Variants in NAV2 observed in about 807,000 individuals in gnomAD.
NAV2 encodes the protein helicase, APC down-regulated 1.
NAV2 carries 54 observed loss-of-function variants against 223.2 expected under a neutral mutation model. The ratio of observed to expected loss-of-function variants is 0.24; its 90% CI spans 0.19 to 0.30. The LOEUF (loss-of-function observed/expected upper bound fraction) is 0.30. NAV2 is among the 10% of genes least tolerant of loss of function. NAV2 has a pLI of 1.00. For missense variants in NAV2, 2,806 were observed against 3,147.5 expected (o/e 0.89, Z 2.60); for synonymous variants, 1,279 against 1,239.3 (o/e 1.03, Z -0.67).
At chr11:19,457,205 C>A in intron 1 of NAV2, among the ~76,000 whole-genome samples, 1 of 152,130 alleles carries the variant, frequency 6.6e-6, no homozygotes. Context: ...ACAACAGCAG[C>A]AATGTCATTT....
intron 1 of NAV2, among the ~76,000 whole-genome samples, chr11:19,479,485 C>A (rs967786930): frequency 6.6e-6 from 1 of 152,108 alleles, no homozygotes; most frequent in Non-Finnish European, 1.5e-5. Flanking sequence ...CATAAACCGT[C>A]CTGTTAATTC....
At chr11:19,538,032 G>A (rs919074824) in intron 1 of NAV2, among the ~76,000 whole-genome samples, 1 of 152,114 alleles carries the variant, frequency 6.6e-6, no homozygotes. Flanking sequence ...CTCAGACCTG[G>A]GTTCCTTACT....
At chr11:19,990,600 A>C (rs1467653457) in intron 11 of NAV2, among the ~76,000 whole-genome samples, 1 of 152,014 alleles carries the variant, frequency 6.6e-6, no homozygotes. Flanking sequence ...CAAGTAAAGC[A>C]AAGGTGATCT....
rs1456489494 is a variant in NAV2 at position 19,944,355 on chromosome 11, A to C, written c.2147-2046A>C. Among the ~76,000 whole-genome samples the C allele has an allele frequency of 2.0e-5, 3 of 152,194 alleles. No homozygotes were observed. In the East Asian group the frequency reaches 5.8e-4, roughly 29 times the overall value. On this transcript the variant is annotated intron_variant, in intron 8 of 37. Coordinates refer to ENST00000349880, the MANE Select transcript of NAV2 (RefSeq NM_145117.5). ...AAGTGTCTTGTGGAAAGTTTTGCCCAGGGAATGGAATACTGTGGTCCTGAC... is the reference window on the plus strand; with the variant it reads ...AAGTGTCTTGTGGAAAGTTTTGCCCCGGGAATGGAATACTGTGGTCCTGAC...
intron 1 of NAV2, among the ~76,000 whole-genome samples, chr11:19,697,672 G>T (rs1385866340): frequency 6.6e-6 from 1 of 152,122 alleles, no homozygotes; most frequent in East Asian, 1.9e-4. Context: ...TTAGTTAGGT[G>T]ATTGGAATAG....
At chr11:20,072,681 T>C (rs1173125419) in intron 22 of NAV2, among the ~76,000 whole-genome samples, 1 of 152,222 alleles carries the variant, frequency 6.6e-6, no homozygotes, top group African/African-American at 2.4e-5. Context: ...CTAGGTATTT[T>C]ATTCTCTTTG....
intron 1 of NAV2, among the ~76,000 whole-genome samples, chr11:19,497,802 A>G (rs2042844867): frequency 6.6e-6 from 1 of 152,102 alleles, no homozygotes; most frequent in African/African-American, 2.4e-5. Context: ...CACATCAACC[A>G]GCAGAAAGTC....
intron 1 of NAV2, among the ~76,000 whole-genome samples, chr11:19,378,400 G>T (rs1479976165): frequency 6.6e-6 from 1 of 151,860 alleles, no homozygotes; most frequent in Non-Finnish European, 1.5e-5. Flanking sequence ...GGGGCCTATG[G>T]TGCATCCTCC....
intron 1 of NAV2, among the ~76,000 whole-genome samples, chr11:19,573,777 G>A (rs1451365688): frequency 6.6e-6 from 1 of 152,180 alleles, no homozygotes; most frequent in Non-Finnish European, 1.5e-5. Context: ...AGGCCTCCCT[G>A]GGTGGTTTCT....
chr11:19,776,363 C>A (rs1365189607), intron 1 of NAV2, among the ~76,000 whole-genome samples: 1 of 152,120 alleles, frequency 6.6e-6, no homozygotes, highest in African/African-American at 2.4e-5. Flanking sequence ...GGAAGGCACC[C>A]GGGGCCTGTG....
At chr11:19,359,888 C>T (rs1853832817) in intron 1 of NAV2, among the ~76,000 whole-genome samples, 1 of 152,150 alleles carries the variant, frequency 6.6e-6, no homozygotes, top group Non-Finnish European at 1.5e-5. Flanking sequence ...AATACTCTTC[C>T]TCCACTGCTT....
intron 1 of NAV2, among the ~76,000 whole-genome samples, chr11:19,376,464 G>A (rs1262138903): frequency 6.6e-6 from 1 of 152,150 alleles, no homozygotes; most frequent in Admixed American, 6.5e-5. Flanking sequence ...CAGAGGGGAC[G>A]AGGGACTCAC....
At chr11:20,071,089 A>C (rs949729904) in intron 22 of NAV2, among the ~76,000 whole-genome samples, 2 of 149,226 alleles carry the variant, frequency 1.3e-5, no homozygotes, top group Non-Finnish European at 3.0e-5. Context: ...ATTTCTCCTA[A>C]TACTATCCCT....
intron 10 of NAV2, among the ~76,000 whole-genome samples, chr11:19,958,251 G>A (rs1255837099): frequency 2.0e-5 from 3 of 152,206 alleles, no homozygotes; most frequent in Non-Finnish European, 4.4e-5. Context: ...CAGGCAAAAG[G>A]CAGTAAAATC....
At chr11:19,904,213 G>A (rs2042678596) in intron 6 of NAV2, among the ~76,000 whole-genome samples, 1 of 152,124 alleles carries the variant, frequency 6.6e-6, no homozygotes, top group South Asian at 2.1e-4. Context: ...CATGTACTTG[G>A]AATTCAGTCC....
chr11:19,884,923 C>T (rs892784907), intron 5 of NAV2, among the ~76,000 whole-genome samples: 2 of 152,146 alleles, frequency 1.3e-5, no homozygotes, highest in Admixed American at 6.5e-5. Context: ...TTTCTGGATG[C>T]TCTTAGGTGC....
chr11:19,915,622 A>G (rs956468013), intron 6 of NAV2, among the ~76,000 whole-genome samples: 1 of 152,162 alleles, frequency 6.6e-6, no homozygotes, highest in South Asian at 2.1e-4. Flanking sequence ...TTTATGTTTT[A>G]GGTTAGATTT....
rs2047137490 is a variant in NAV2, at chr11:19,948,682, T to A, written c.2256-9T>A. The stretch of plus-strand genomic sequence containing the variant: ...CCTTTGAGTCTAATCAGGTTGGTTT[T>A]GTTTCTAGCACATTGGAAACCACGT... On this transcript the variant is annotated splice_polypyrimidine_tract_variant and intron_variant, in intron 9 of 37. Transcript: ENST00000349880. 1 of 1,558,528 alleles carries A rather than the reference T, an allele frequency of 6.4e-7. No individual in the cohort carries two copies. The highest frequency in any genetic ancestry group is 1.2e-5 in the South Asian group (1 of 83,788).
chr11:20,069,845 C>T (rs543839120), intron 22 of NAV2, among the ~76,000 whole-genome samples: 1 of 152,280 alleles, frequency 6.6e-6, no homozygotes, highest in East Asian at 1.9e-4. Flanking sequence ...ATGGTATTCC[C>T]AGCTTGAGCC....
Sources: allele counts gnomAD v4.1 joint callset (sites outside exome capture counted in the v4.1 genomes callset), GRCh38; gene constraint gnomAD v4.1.1; transcripts MANE v1.5; gene names NCBI Gene and HGNC (gene_info 2026-07-23, HGNC 2026-07-21).